KLHDC1: variants seen among roughly 807,000 people sequenced by gnomAD.
KLHDC1 encodes the protein kelch domain containing 1, also known as kelch domain-containing protein 1.
Under a neutral mutation model 68.3 loss-of-function variants are expected in KLHDC1, and 53 were observed. That is an observed-to-expected ratio of 0.78 (90% confidence interval 0.62 to 0.98). The LOEUF is 0.98. KLHDC1 is among the 50% of genes least tolerant of loss of function. The probability of loss-of-function intolerance (pLI) is 0.00; values close to 1 mark genes in which losing one functional copy is unlikely to be tolerated. For synonymous variants in KLHDC1, 148 were observed against 159.0 expected (o/e 0.93, Z 0.52); for missense variants, 470 against 492.3 (o/e 0.95, Z 0.43).
chr14:49,714,127 G>A (rs908016650), intron 4 of KLHDC1, among the ~76,000 whole-genome samples: 6 of 151,072 alleles, frequency 4.0e-5, no homozygotes, highest in Admixed American at 4.0e-4. Flanking sequence ...GACTATAGAT[G>A]TAAGACACTG....
In KLHDC1 at chr14:49,709,731, G is replaced by C. The variant is rs566883090; in HGVS notation, c.190G>C (p.Glu64Gln). The C allele has an allele frequency of 2.9e-5, 46 of 1,597,384 alleles. No individual in the cohort carries two copies. In the South Asian group the frequency reaches 5.0e-4, roughly 17 times the overall value. ...CAGGAGAATGCACCTCATGGAAGGAGAACTCCCAGCCTCCATGTCAGGAAG... is the reference window on the plus strand; with the variant it reads ...CAGGAGAATGCACCTCATGGAAGGACAACTCCCAGCCTCCATGTCAGGAAG... ...GLWRMHLMEG[E>Q]LPASMSGSCG... Residue 64 changes from glutamate (E) to glutamine (Q), a missense_variant, in exon 3 of 13, where the codon GAA becomes CAA. Physicochemically the swap from Glu to Gln is conservative, Grantham distance 29. Coordinates refer to ENST00000359332, the MANE Select transcript of KLHDC1 (RefSeq NM_172193.3).
Position 49,748,695 on chromosome 14 carries a change from A to G in KLHDC1, c.1035-2891A>G, listed in dbSNP as rs1483186117. On this transcript the variant is annotated intron_variant, in intron 12 of 12. Coordinates refer to ENST00000359332, the MANE Select transcript of KLHDC1 (RefSeq NM_172193.3). ...ACGATATGAAAAGTATATAGTAAAA[A>G]AATCACCTATGAGCCATCGTAGGGG... is the stretch of plus-strand genomic sequence containing the variant. Among the ~76,000 whole-genome samples, 8 of 152,112 alleles carry G rather than the reference A, an allele frequency of 5.3e-5. 1 individual carries two copies. The highest frequency in any genetic ancestry group is 4.1e-4 in the South Asian group (2 of 4,830).
chr14:49,723,250 GA>G (rs1403536221), intron 4 of KLHDC1, among the ~76,000 whole-genome samples: 4 of 150,434 alleles, frequency 2.7e-5, no homozygotes, highest in Non-Finnish European at 5.9e-5. Context: ...TTTGGGTAGG[GA>G]CACAGCCAAA....
At chr14:49,720,099 G>A (rs1487479360) in intron 4 of KLHDC1, among the ~76,000 whole-genome samples, 1 of 151,798 alleles carries the variant, frequency 6.6e-6, no homozygotes, top group Non-Finnish European at 1.5e-5. Context: ...CAATTCTCCT[G>A]CCTCAGCCTC....
Position 49,693,282 on chromosome 14 carries a change from G to T in KLHDC1, c.88G>T (p.Gly30Cys). ...CGGAAACTTCCTCTACGTGTGGGGG[G>T]GCTACGTGGTAAGGGGAAGAGGCGG... ...VDGNFLYVWG[G>C]YVSIEDNEVY... Residue 30 changes from glycine (G) to cysteine (C), a missense_variant, in exon 1 of 13, where the codon GGC becomes TGC. Gly to Cys is a radical substitution (Grantham distance 159). Transcript: ENST00000359332. 3.9e-6 allele frequency: 6 copies of T among 1,550,134 alleles called. No individual in the cohort carries two copies. The highest frequency in any genetic ancestry group is 4.3e-6 in the Non-Finnish European group (5 of 1,149,666).
chr14:49,717,383 T>G (rs1205547621), intron 4 of KLHDC1, among the ~76,000 whole-genome samples: 1 of 152,158 alleles, frequency 6.6e-6, no homozygotes, highest in East Asian at 1.9e-4. Flanking sequence ...ATTTTGGGTG[T>G]GTGTGTGTGT....
At chr14:49,715,455 A>G (rs984701855) in intron 4 of KLHDC1, among the ~76,000 whole-genome samples, 1 of 151,404 alleles carries the variant, frequency 6.6e-6, no homozygotes, top group Admixed American at 6.6e-5. Flanking sequence ...AAAAGTATAT[A>G]TAAAATATAG....
At chr14:49,718,902 A>T (rs889192968) in intron 4 of KLHDC1, among the ~76,000 whole-genome samples, 11 of 143,912 alleles carry the variant, frequency 7.6e-5, no homozygotes, top group Admixed American at 2.2e-4. Flanking sequence ...TCAGCCTCCC[A>T]AGTATCTGGG....
At chr14:49,708,960 CCT>C (rs764763925) in intron 1 of KLHDC1, among the ~76,000 whole-genome samples, 197 bp from the exon 2 acceptor site, 2 of 151,760 alleles carry the variant, frequency 1.3e-5, no homozygotes, top group Non-Finnish European at 2.9e-5. Context: ...TTATTTTGAT[CCT>C]TTATTGTTTT....
chr14:49,698,640 C>G (rs1214171290), intron 1 of KLHDC1, among the ~76,000 whole-genome samples: 2 of 151,900 alleles, frequency 1.3e-5, no homozygotes, highest in African/African-American at 2.4e-5. Context: ...CTCAGCCTCC[C>G]AAGAAGCTGG....
chr14:49,751,420 A>T (rs1244749219), intron 12 of KLHDC1, among the ~76,000 whole-genome samples, 166 bp from the exon 13 acceptor site: 1 of 152,166 alleles, frequency 6.6e-6, no homozygotes, highest in Admixed American at 6.6e-5. Flanking sequence ...CTCATGTACC[A>T]CATAAATATA....
chr14:49,725,401 T>G (rs375291741), intron 5 of KLHDC1, among the ~76,000 whole-genome samples: 659 of 152,194 alleles, frequency 4.3e-3, no homozygotes, highest in African/African-American at 0.014. Context: ...CTCTGCAATT[T>G]TAAAAAAGAT....
intron 4 of KLHDC1, among the ~76,000 whole-genome samples, chr14:49,713,491 CTTGA>C: frequency 6.6e-6 from 1 of 152,130 alleles, no homozygotes; most frequent in African/African-American, 2.4e-5. Flanking sequence ...AGGATAAATG[CTTGA>C]TTCTTTCGCC....
intron 4 of KLHDC1, among the ~76,000 whole-genome samples, chr14:49,718,533 C>T (rs962601949): frequency 2.0e-5 from 3 of 151,876 alleles, no homozygotes; most frequent in Admixed American, 6.6e-5. Context: ...TGCCTACCTC[C>T]GCCTCCCAAA....
Position 49,693,276 on chromosome 14 carries a change from T to C in KLHDC1, c.82T>C (p.Trp28Arg). 1.3e-6 allele frequency: 2 copies of C among 1,552,996 alleles called. No homozygotes were observed. The highest frequency in any genetic ancestry group is 1.7e-6 in the Non-Finnish European group (2 of 1,151,104). ...GGTGGACGGAAACTTCCTCTACGTG[T>C]GGGGGGGCTACGTGGTAAGGGGAAG... ...AVVDGNFLYV[W>R]GGYVSIEDNE... is the part of the protein sequence containing the mutation. The change falls in exon 1 of 13, where the codon TGG becomes CGG. Residue 28 changes from tryptophan (W) to arginine (R), a missense_variant. Coordinates refer to ENST00000359332, the MANE Select transcript of KLHDC1 (RefSeq NM_172193.3).
At chr14:49,746,125 G>A (rs1051722813) in intron 12 of KLHDC1, among the ~76,000 whole-genome samples, 3 of 152,184 alleles carry the variant, frequency 2.0e-5, no homozygotes, top group African/African-American at 7.2e-5. Context: ...AGGAAAAGGA[G>A]TGGGGAGAAT....
At position 49,732,708 on chromosome 14, in the gene KLHDC1, A is replaced by G. The variant is rs748056716; in HGVS notation, c.715A>G (p.Thr239Ala). 11 of 1,500,892 alleles carry G rather than the reference A, an allele frequency of 7.3e-6. No homozygotes were observed. Among genetic ancestry groups the G allele is most frequent in the Non-Finnish European group, 9.3e-6 (10 of 1,079,364 alleles). 93.0% of individuals were successfully genotyped at this position (1,500,892 alleles called of 1,614,324 possible). A position where few individuals can be genotyped will look rare whatever the true frequency, so the allele number is the denominator to read the frequency against. The change falls in exon 9 of 13, where the codon ACT (threonine) becomes GCT (alanine). Residue 239 changes from threonine to alanine, a missense_variant. By Grantham distance (58) the Thr-to-Ala change is moderately conservative. Transcript: ENST00000359332. ...LDTWTWSGRI[T>A]INGESPKHRS... ...TTCTTTTTCTCCTTGCCACAGGATT[A>G]CTATTAATGGAGAAAGCCCAAAACA...
intron 8 of KLHDC1, among the ~76,000 whole-genome samples, chr14:49,731,108 C>T (rs1000118199): frequency 3.3e-5 from 5 of 152,124 alleles, no homozygotes; most frequent in Admixed American, 6.5e-5. Flanking sequence ...GGTGAAACCC[C>T]GTCTCTACTA....
At chr14:49,701,677 A>G (rs755441817) in intron 1 of KLHDC1, among the ~76,000 whole-genome samples, 12 of 152,040 alleles carry the variant, frequency 7.9e-5, no homozygotes, top group Non-Finnish European at 1.8e-4. Flanking sequence ...CAAAAACAAA[A>G]AAATACCAAA....
Sources: allele counts gnomAD v4.1 joint callset (sites outside exome capture counted in the v4.1 genomes callset), GRCh38; gene constraint gnomAD v4.1.1; transcripts MANE v1.5; gene names NCBI Gene and HGNC (gene_info 2026-07-23, HGNC 2026-07-21).